The following FOXP1 variants were observed in gnomAD, a reference collection of about 807,000 sequenced individuals.
The protein encoded by FOXP1 is forkhead box protein P1.
In FOXP1, 15 loss-of-function variants were observed where a neutral mutation model predicts 98.2. The ratio of observed to expected loss-of-function variants is 0.15; its 90% CI spans 0.10 to 0.24. The LOEUF (loss-of-function observed/expected upper bound fraction) is 0.24, where lower values mean the gene tolerates loss of function less well. Ranked by LOEUF, FOXP1 falls within the 10% of genes least tolerant of loss-of-function variation. The probability of loss-of-function intolerance (pLI) is 1.00; values close to 1 mark genes in which losing one functional copy is unlikely to be tolerated. For missense variants in FOXP1, 633 were observed against 848.5 expected (o/e 0.75, Z 3.15); for synonymous variants, 371 against 314.5 (o/e 1.18, Z -1.90).
At chr3:71,301,754 A>C (rs920361309) in intron 4 of FOXP1, among the ~76,000 whole-genome samples, 2 of 152,176 alleles carry the variant, frequency 1.3e-5, no homozygotes, top group Admixed American at 6.5e-5. Context: ...CCTTCGAATA[A>C]AGTTATCTCC....
intron 5 of FOXP1, among the ~76,000 whole-genome samples, chr3:71,220,870 T>C (rs758244458): frequency 2.6e-5 from 4 of 151,054 alleles, no homozygotes; most frequent in Non-Finnish European, 5.9e-5. Flanking sequence ...GAATAACATT[T>C]ACTAAGTTCT....
At chr3:71,185,426 G>C (rs773071942) in intron 6 of FOXP1, among the ~76,000 whole-genome samples, 1 of 152,126 alleles carries the variant, frequency 6.6e-6, no homozygotes, top group Non-Finnish European at 1.5e-5. Flanking sequence ...TTTTAAATTA[G>C]GTATTATGGT....
chr3:71,398,678 A>T (rs2081732617), intron 3 of FOXP1, among the ~76,000 whole-genome samples: 1 of 152,186 alleles, frequency 6.6e-6, no homozygotes, highest in African/African-American at 2.4e-5. Flanking sequence ...TAACAACCAC[A>T]TCTGGCCTTT....
intron 3 of FOXP1, among the ~76,000 whole-genome samples, chr3:71,479,416 C>T (rs1031729720): frequency 1.3e-5 from 2 of 152,168 alleles, no homozygotes; most frequent in Non-Finnish European, 1.5e-5. Flanking sequence ...AATGTGGACA[C>T]ATCAATAAAA....
intron 6 of FOXP1, among the ~76,000 whole-genome samples, chr3:71,131,421 A>G (rs2059563733): frequency 6.6e-6 from 1 of 151,670 alleles, no homozygotes; most frequent in East Asian, 1.9e-4. Context: ...AAAAAAAAAA[A>G]AGGAGGAAGA....
At chr3:71,198,475 A>AG in intron 5 of FOXP1, 83 bp from the exon 6 acceptor site, 1 of 1,232,984 alleles carries the variant, frequency 8.1e-7, no homozygotes, top group Non-Finnish European at 1.2e-6. Context: ...GTGCATAAGG[A>AG]GAAGGGCCTT....
chr3:71,064,014 G>A (rs2051954489), intron 7 of FOXP1, among the ~76,000 whole-genome samples: 1 of 152,168 alleles, frequency 6.6e-6, no homozygotes, highest in African/African-American at 2.4e-5. Flanking sequence ...GCTACATTCA[G>A]AGCCGGTTCA....
chr3:71,529,282 T>C (rs1335713019), intron 2 of FOXP1, among the ~76,000 whole-genome samples: 2 of 152,250 alleles, frequency 1.3e-5, no homozygotes, highest in East Asian at 1.9e-4. Context: ...ATAGTTCAAT[T>C]TGAGTCAAAA....
chr3:71,244,865 T>C (rs1012789774), intron 5 of FOXP1: 14 of 150,994 alleles, frequency 9.3e-5, no homozygotes, highest in African/African-American at 2.9e-4. Flanking sequence ...TTAATGTTCC[T>C]AGTAAAAGGC....
intron 11 of FOXP1, among the ~76,000 whole-genome samples, chr3:71,024,598 G>C (rs753302062): frequency 1.3e-5 from 2 of 152,028 alleles, no homozygotes; most frequent in African/African-American, 4.8e-5. Flanking sequence ...TCCCCAGAAC[G>C]CTCATCATCT....
intron 4 of FOXP1, among the ~76,000 whole-genome samples, chr3:71,315,013 A>G (rs1201321634): frequency 6.6e-6 from 1 of 150,874 alleles, no homozygotes; most frequent in Non-Finnish European, 1.5e-5. Flanking sequence ...AAGAATTACA[A>G]GCGGGAATAA....
chr3:71,089,000 T>C (rs958529884), intron 7 of FOXP1, among the ~76,000 whole-genome samples: 1 of 152,186 alleles, frequency 6.6e-6, no homozygotes, highest in African/African-American at 2.4e-5. Flanking sequence ...CCATCCAACA[T>C]AGCTGAAGGA....
At chr3:71,348,966 C>A (rs954731808) in intron 4 of FOXP1, among the ~76,000 whole-genome samples, 1 of 152,184 alleles carries the variant, frequency 6.6e-6, no homozygotes. Context: ...ACCATCAATG[C>A]CTTCAGCTAT....
intron 3 of FOXP1, among the ~76,000 whole-genome samples, chr3:71,459,125 C>A (rs1315504092): frequency 6.6e-6 from 1 of 152,098 alleles, no homozygotes; most frequent in African/African-American, 2.4e-5. Flanking sequence ...TGTCAAATGA[C>A]AGATTTGATT....
chr3:70,958,974 G>A lies in FOXP1; in HGVS notation c.*273C>T, dbSNP rs997125255. On this transcript the variant is annotated 3_prime_UTR_variant, in exon 21 of 21. Coordinates refer to ENST00000649528, the MANE Select transcript of FOXP1 (RefSeq NM_001349338.3). ...GCAAATTTACAACACTGATGTTGAC[G>A]GTTAAGAGAGGAAAATCCCAAGTAC... The A allele has an allele frequency of 3.1e-5, 14 of 453,728 alleles. No individual in the cohort carries two copies. The highest frequency in any genetic ancestry group is 4.3e-5 in the South Asian group (2 of 46,114). The allele number at this position is 453,728 out of a possible 1,614,324, so 28.1% of individuals were successfully genotyped here. A position where few individuals can be genotyped will look rare whatever the true frequency, so the allele number is the denominator to read the frequency against.
chr3:71,259,684 T>C lies in FOXP1; in HGVS notation c.-12+40136A>G, dbSNP rs138251474. On this transcript the variant is annotated intron_variant, in intron 5 of 20. Transcript: ENST00000649528. ...GAAGGATGAACAACTGTAACTGAAA[T>C]AGGGTTGTGATGAAACAAAAGTGCC... 6.8e-3 allele frequency among the ~76,000 whole-genome samples: 1,041 copies of C among 152,244 alleles called. 18 individuals carry two copies. Among genetic ancestry groups the C allele is most frequent in the African/African-American group, 0.024 (1,004 of 41,550 alleles).
intron 5 of FOXP1, among the ~76,000 whole-genome samples, chr3:71,293,854 AT>A (rs1449964294): frequency 6.6e-6 from 1 of 152,246 alleles, no homozygotes; most frequent in African/African-American, 2.4e-5. Flanking sequence ...TACACACAGC[AT>A]AAAAAACAGT....
At chr3:71,378,302 A>T (rs981188636) in intron 3 of FOXP1, among the ~76,000 whole-genome samples, 5 of 152,196 alleles carry the variant, frequency 3.3e-5, no homozygotes, top group Non-Finnish European at 5.9e-5. Context: ...ATGGATTAGT[A>T]ATATACAGTA....
intron 5 of FOXP1, among the ~76,000 whole-genome samples, chr3:71,204,505 C>T (rs1158797145): frequency 3.3e-5 from 5 of 152,196 alleles, no homozygotes; most frequent in Admixed American, 2.6e-4. Flanking sequence ...ATGAAAGCCA[C>T]AGACTCTCAG....
Sources: allele counts gnomAD v4.1 joint callset (sites outside exome capture counted in the v4.1 genomes callset), GRCh38; gene constraint gnomAD v4.1.1; transcripts MANE v1.5; gene names NCBI Gene and HGNC (gene_info 2026-07-23, HGNC 2026-07-21).